SLC2A12: variants seen among roughly 807,000 people sequenced by gnomAD.
The protein encoded by SLC2A12 is solute carrier family 2 member 12.
Under a neutral mutation model 41.8 loss-of-function variants are expected in SLC2A12, and 23 were observed. That is an observed-to-expected ratio of 0.55 (90% CI 0.40 to 0.78). SLC2A12 has a LOEUF of 0.78. Ranked by LOEUF, SLC2A12 falls within the 30% of genes least tolerant of loss-of-function variation. The pLI, the probability that SLC2A12 is intolerant of heterozygous loss-of-function variation, is 0.00. For synonymous variants in SLC2A12, 295 were observed against 285.9 expected, an observed-to-expected ratio of 1.03 and a Z score of -0.32; for missense variants, 654 against 745.6, an observed-to-expected ratio of 0.88 and a Z score of 1.43.
In SLC2A12 at chr6:133,987,648, G is replaced by GTATATATATATATATATATATA. The variant is rs59102121; in HGVS notation, c.*3506_*3507insTATATATATATATATATATATA. 20 of 88,300 alleles carry GTATATATATATATATATATATA rather than the reference G, an allele frequency of 2.3e-4. No individual in the cohort carries two copies. The highest frequency in any genetic ancestry group is 5.1e-4 in the African/African-American group (14 of 27,486). 5.5% of individuals were successfully genotyped at this position (88,300 alleles called of 1,614,324 possible). On this transcript the variant is annotated 3_prime_UTR_variant, in exon 5 of 5. Coordinates refer to ENST00000275230, the MANE Select transcript of SLC2A12 (RefSeq NM_145176.3). Reference sequence around the variant, plus strand: ...TTTGTGTGTGTGTGTGTGTGTGTGTGTATATATATATATATATATGCACCA... The same window carrying GTATATATATATATATATATATA: ...TTTGTGTGTGTGTGTGTGTGTGTGTGTATATATATATATATATATATATATATATATATATATATATGCACCA...
Position 133,990,012 on chromosome 6 carries a change from TAGTA to T in SLC2A12, c.*1139_*1142del, listed in dbSNP as rs1412436024. On this transcript the variant is annotated 3_prime_UTR_variant, in exon 5 of 5. Transcript: ENST00000275230. ...ATTTTCTATCATACCCAAATTTTAT[TAGTA>T]AGACCTCTTAACAAGTCTTTAAAAT... 7 of 152,488 alleles carry T rather than the reference TAGTA, an allele frequency of 4.6e-5. No individual in the cohort carries two copies. The highest frequency in any genetic ancestry group is 8.8e-5 in the Non-Finnish European group (6 of 68,038). The allele number at this position is 152,488 out of a possible 1,614,324, so 9.4% of individuals were successfully genotyped here. A position where few individuals can be genotyped will look rare whatever the true frequency, so the allele number is the denominator to read the frequency against.
chr6:133,996,278 T>C (rs1776685463), intron 4 of SLC2A12, among the ~76,000 whole-genome samples: 1 of 152,262 alleles, frequency 6.6e-6, no homozygotes, highest in South Asian at 2.1e-4. Flanking sequence ...TTGTTTGCTT[T>C]CTCCATTTGT....
In SLC2A12 at chr6:134,020,581, G is replaced by A. The variant is rs1401168715; in HGVS notation, c.1444+7800C>T. ...GAAAAAGAAACTAAAATGTGAATAT[G>A]GATGTAAAGGATTGACTCTTAGCAA... On this transcript the variant is annotated intron_variant, in intron 2 of 4. Coordinates refer to ENST00000275230, the MANE Select transcript of SLC2A12 (RefSeq NM_145176.3). 2.0e-5 allele frequency among the ~76,000 whole-genome samples: 3 copies of A among 152,164 alleles called. No homozygotes were observed. The East Asian group carries it at 5.8e-4, about 29-fold the overall frequency.
chr6:134,001,094 A>G (rs989417159), intron 4 of SLC2A12, among the ~76,000 whole-genome samples: 1 of 143,272 alleles, frequency 7.0e-6, no homozygotes, highest in African/African-American at 2.5e-5. Context: ...AGGCGGAAGA[A>G]GTTCTGAGAT....
chr6:134,012,756 C>A lies in SLC2A12; in HGVS notation c.1445-5822G>T, dbSNP rs188947949. Among the ~76,000 whole-genome samples the A allele has an allele frequency of 7.1e-3, 1,084 of 152,202 alleles. 25 individuals carry two copies. The highest frequency in any genetic ancestry group is 5.9e-3 in the Non-Finnish European group (400 of 68,004). The stretch of plus-strand genomic sequence containing the variant: ...GCTGAGGAAGGAGGATCCCTTGAGG[C>A]CAGAAGTTTGGGAAAAGCCTGGGCA... On this transcript the variant is annotated intron_variant, in intron 2 of 4. Transcript: ENST00000275230.
At chr6:134,034,445 A>G (rs1219171389) in intron 1 of SLC2A12, among the ~76,000 whole-genome samples, 1 of 152,146 alleles carries the variant, frequency 6.6e-6, no homozygotes, top group African/African-American at 2.4e-5. Flanking sequence ...AATTCACTGT[A>G]TAAGGCTAGT....
intron 4 of SLC2A12, among the ~76,000 whole-genome samples, chr6:133,995,685 A>C (rs1261077034): frequency 6.6e-6 from 1 of 152,230 alleles, no homozygotes; most frequent in Non-Finnish European, 1.5e-5. Flanking sequence ...GGATGGCTGC[A>C]GACACTTACT....
intron 1 of SLC2A12, among the ~76,000 whole-genome samples, chr6:134,033,190 C>T (rs1445472845): frequency 1.3e-5 from 2 of 152,038 alleles, no homozygotes; most frequent in Non-Finnish European, 2.9e-5. Flanking sequence ...ACAGTGATGA[C>T]TTTTCATTGT....
intron 2 of SLC2A12, chr6:134,009,234 T>C (rs1021662084): frequency 6.6e-6 from 1 of 152,234 alleles, no homozygotes; most frequent in Non-Finnish European, 1.5e-5. Flanking sequence ...ATTCATTCAA[T>C]ATAGCAGCTA....
chr6:134,026,632 G>A (rs1777115886), intron 2 of SLC2A12, among the ~76,000 whole-genome samples: 2 of 152,294 alleles, frequency 1.3e-5, no homozygotes, highest in South Asian at 4.1e-4. Context: ...AATTATCATT[G>A]TTAAGTCTTA....
rs180732016 is a variant in SLC2A12, at chr6:134,051,985, G to A, written c.103+393C>T. On this transcript the variant is annotated intron_variant, in intron 1 of 4. Transcript: ENST00000275230. ...AATAAATGAAAAAGTGTAAGCAAGC[G>A]TGTGCTTGTGTGTGTTTACAAATGA... 7.2e-5 allele frequency among the ~76,000 whole-genome samples: 11 copies of A among 152,252 alleles called. No individual in the cohort carries two copies. In the East Asian group the frequency reaches 2.1e-3, roughly 29 times the overall value.
intron 4 of SLC2A12, among the ~76,000 whole-genome samples, chr6:134,000,450 G>A (rs1453695613): frequency 6.6e-6 from 1 of 152,154 alleles, no homozygotes; most frequent in Non-Finnish European, 1.5e-5. Flanking sequence ...CTTCCTTCAA[G>A]TAAAAGCTGA....
chr6:134,007,357 C>G (rs1471671212), intron 2 of SLC2A12, among the ~76,000 whole-genome samples: 1 of 152,222 alleles, frequency 6.6e-6, no homozygotes, highest in Non-Finnish European at 1.5e-5. Flanking sequence ...CCTCAGCTCT[C>G]TCCCCCTGAC....
intron 4 of SLC2A12, among the ~76,000 whole-genome samples, chr6:133,997,434 G>C (rs555757135): frequency 2.0e-5 from 3 of 152,282 alleles, no homozygotes; most frequent in Admixed American, 6.5e-5. Flanking sequence ...ATTGGATAAA[G>C]AAAATGTGGT....
At chr6:134,038,357 T>C (rs1777332433) in intron 1 of SLC2A12, among the ~76,000 whole-genome samples, 1 of 125,522 alleles carries the variant, frequency 8.0e-6, no homozygotes, top group African/African-American at 3.5e-5. Flanking sequence ...TTCTGCCTTT[T>C]TTTTTTTTTT....
chr6:133,997,389 CAT>C (rs780952122), intron 4 of SLC2A12, among the ~76,000 whole-genome samples: 12 of 152,074 alleles, frequency 7.9e-5, no homozygotes, highest in Non-Finnish European at 1.2e-4. Flanking sequence ...TAATAGCAAA[CAT>C]GTGGAATCAA....
chr6:134,019,344 T>G (rs1777010473), intron 2 of SLC2A12, among the ~76,000 whole-genome samples: 1 of 151,328 alleles, frequency 6.6e-6, no homozygotes, highest in African/African-American at 2.5e-5. Flanking sequence ...ATCTTGACTT[T>G]ACTTGTGAAG....
chr6:134,010,956 T>G (rs1776873748), intron 2 of SLC2A12, among the ~76,000 whole-genome samples: 1 of 152,170 alleles, frequency 6.6e-6, no homozygotes, highest in Non-Finnish European at 1.5e-5. Flanking sequence ...AGATTTAAAT[T>G]CTACAGCTCT....
intron 1 of SLC2A12, among the ~76,000 whole-genome samples, chr6:134,037,042 A>G (rs1418408788): frequency 1.3e-5 from 2 of 151,866 alleles, no homozygotes; most frequent in African/African-American, 4.8e-5. Context: ...AGCTGTTTCC[A>G]GAATCTTCTG....
Sources: allele counts gnomAD v4.1 joint callset (sites outside exome capture counted in the v4.1 genomes callset), GRCh38; gene constraint gnomAD v4.1.1; transcripts MANE v1.5; gene names NCBI Gene and HGNC (gene_info 2026-07-23, HGNC 2026-07-21).